Variants in SLX9 observed in about 807,000 individuals in gnomAD.
SLX9 encodes the protein ribosome biogenesis protein SLX9 homolog.
Under a neutral mutation model 20.8 loss-of-function variants are expected in SLX9, and 19 were observed. The ratio of observed to expected loss-of-function variants is 0.91; its 90% confidence interval spans 0.64 to 1.34. The LOEUF (loss-of-function observed/expected upper bound fraction) is 1.34. SLX9 is among the 40% of genes most tolerant of loss of function. The pLI, the probability that SLX9 is intolerant of heterozygous loss-of-function variation, is 0.00. For missense variants in SLX9, 299 were observed against 322.2 expected (o/e 0.93, Z 0.55); for synonymous variants, 113 against 137.1 (o/e 0.82, Z 1.23).
At position 44,951,681 on chromosome 21, in the gene SLX9, G is replaced by A. The variant is rs1221294102; in HGVS notation, c.283+7844G>A. 2.6e-5 allele frequency among the ~76,000 whole-genome samples: 4 copies of A among 152,250 alleles called. No homozygotes were observed. In the South Asian group the frequency reaches 6.2e-4, roughly 24 times the overall value. Reference sequence around the variant, plus strand: ...GCCCTGCCCCCGGAGCCGCCCGAGCGCGCTGTGTGGGCACCATCTCTCACT... The same window carrying A: ...GCCCTGCCCCCGGAGCCGCCCGAGCACGCTGTGTGGGCACCATCTCTCACT... On this transcript the variant is annotated intron_variant, in intron 2 of 5. Transcript: ENST00000291634.
intron 4 of SLX9, among the ~76,000 whole-genome samples, chr21:44,972,149 G>GCGTCTCTGCCTTCCCGC (rs1299810930): frequency 2.0e-4 from 30 of 152,302 alleles, no homozygotes; most frequent in Non-Finnish European, 3.7e-4. Flanking sequence ...TGAGGACTCT[G>GCGTCTCTGCCTTCCCGC]CGTCTCTGCC....
chr21:44,947,217 C>G (rs2084659576), intron 2 of SLX9, among the ~76,000 whole-genome samples: 1 of 152,332 alleles, frequency 6.6e-6, no homozygotes, highest in East Asian at 1.9e-4. Flanking sequence ...CATGCAGATA[C>G]TGCATCCTGT....
At chr21:44,968,471 C>T (rs1049337703) in intron 4 of SLX9, among the ~76,000 whole-genome samples, 3 of 152,258 alleles carry the variant, frequency 2.0e-5, no homozygotes, top group Admixed American at 6.5e-5. Context: ...CCTGTCACCT[C>T]GCAGGGGATG....
In SLX9 at chr21:44,963,394, TAAAC is replaced by T. The variant is rs548090704; in HGVS notation, c.352+3227_352+3230del. Among the ~76,000 whole-genome samples, 201 of 148,250 alleles carry T rather than the reference TAAAC, an allele frequency of 1.4e-3. 1 individual carries two copies. The highest frequency in any genetic ancestry group is 3.5e-3 in the Middle Eastern group (1 of 288). The stretch of plus-strand genomic sequence containing the variant: ...TGAGAACTTTTTTTTTTTTTTTAAA[TAAAC>T]GAGAGTTTAATTTTGAGAAGTTTAA... On this transcript the variant is annotated intron_variant, in intron 3 of 5. Coordinates refer to ENST00000291634, the MANE Select transcript of SLX9 (RefSeq NM_058190.4).
At chr21:44,975,561 G>T (rs1316435788) in intron 5 of SLX9, among the ~76,000 whole-genome samples, 2 of 152,252 alleles carry the variant, frequency 1.3e-5, no homozygotes, top group Admixed American at 1.3e-4. Flanking sequence ...TCTGACCCAG[G>T]ACTCTGCCCA....
intron 3 of SLX9, among the ~76,000 whole-genome samples, chr21:44,963,368 G>GT (rs1206937598): frequency 8.1e-6 from 1 of 123,728 alleles, no homozygotes; most frequent in Non-Finnish European, 1.7e-5. Context: ...GATTACAGGC[G>GT]TGAGAACTTT....
chr21:44,951,869 C>T (rs548037549), intron 2 of SLX9, among the ~76,000 whole-genome samples: 9 of 148,496 alleles, frequency 6.1e-5, no homozygotes, highest in South Asian at 2.1e-4. Flanking sequence ...AGGGTTCGCC[C>T]GTCGTGTGTG....
intron 2 of SLX9, among the ~76,000 whole-genome samples, chr21:44,956,583 A>G (rs2084861823): frequency 6.6e-6 from 1 of 152,228 alleles, no homozygotes; most frequent in Non-Finnish European, 1.5e-5. Flanking sequence ...CGAGCCCGAG[A>G]TGAAGCAGCA....
At chr21:44,956,886 G>A (rs372935268) in intron 2 of SLX9, among the ~76,000 whole-genome samples, 20 of 152,326 alleles carry the variant, frequency 1.3e-4, no homozygotes, top group Admixed American at 5.9e-4. Flanking sequence ...CTGGTTTACC[G>A]CGTCTGTTCC....
chr21:44,964,354 C>T (rs1191219291), intron 3 of SLX9, among the ~76,000 whole-genome samples: 2 of 151,976 alleles, frequency 1.3e-5, no homozygotes, highest in Non-Finnish European at 2.9e-5. Flanking sequence ...TTTTTTTCCC[C>T]AATATGTGTT....
chr21:44,972,940 G>T (rs1435654838), intron 4 of SLX9: 3 of 37,976 alleles, frequency 7.9e-5, no homozygotes, highest in Non-Finnish European at 1.4e-4. Context: ...GAGCAGCTTG[G>T]GGCCCGCGGT....
At chr21:44,953,862 C>T (rs2084806479) in intron 2 of SLX9, among the ~76,000 whole-genome samples, 2 of 152,338 alleles carry the variant, frequency 1.3e-5, no homozygotes, top group South Asian at 4.1e-4. Flanking sequence ...ACCTCGGCCG[C>T]ACCCCAAGGC....
At chr21:44,965,624 G>A (rs2085019992) in intron 3 of SLX9, among the ~76,000 whole-genome samples, 1 of 152,210 alleles carries the variant, frequency 6.6e-6, no homozygotes, top group South Asian at 2.1e-4. Flanking sequence ...CCTCTTGAGT[G>A]GCCACTGTGG....
intron 2 of SLX9, among the ~76,000 whole-genome samples, chr21:44,949,708 C>T (rs967794455): frequency 2.6e-5 from 4 of 152,126 alleles, no homozygotes; most frequent in Non-Finnish European, 5.9e-5. Flanking sequence ...CGTCTGCAGG[C>T]GTGTTGGACT....
intron 4 of SLX9, among the ~76,000 whole-genome samples, chr21:44,967,835 CGG>C (rs757730691): frequency 6.6e-6 from 1 of 152,168 alleles, no homozygotes; most frequent in East Asian, 1.9e-4. Flanking sequence ...CCAGGAGGGA[CGG>C]GGCCTGATGT....
In SLX9 at chr21:44,941,036, A is replaced by AT. The variant is rs937991586; in HGVS notation, c.129+858dup. Among the ~76,000 whole-genome samples the AT allele has an allele frequency of 1.1e-4, 16 of 143,380 alleles. No individual in the cohort carries two copies. In the East Asian group the frequency reaches 1.6e-3, roughly 14 times the overall value. 94.1% of individuals were successfully genotyped at this position (143,380 alleles called of 152,430 possible). A position where few individuals can be genotyped will look rare whatever the true frequency, so the allele number is the denominator to read the frequency against. ...TTTGAACCTTTCCAGTGAAATTTTC[A>AT]TTTTTTTTGACTCCAGAATTTATTT... On this transcript the variant is annotated intron_variant, in intron 1 of 5. Transcript: ENST00000291634.
chr21:44,976,054 C>G, intron 5 of SLX9, among the ~76,000 whole-genome samples: 1 of 152,264 alleles, frequency 6.6e-6, no homozygotes, highest in Non-Finnish European at 1.5e-5. Flanking sequence ...CGTCTGGGAG[C>G]TGCCCCCGAG....
chr21:44,976,691 G>A lies in SLX9; in HGVS notation c.581G>A (p.Arg194Lys), dbSNP rs1445429672. ...CTCCATTCTTTCAGCGAGGAAGAAA[G>A]GACCCGGTTTCAGGAGCTGCTGGCC... ...AQRQQLLEEE[R>K]TRFQELLASP... The change falls in exon 6 of 6, where the codon AGG becomes AAG. Residue 194 changes from arginine to lysine, a missense_variant. Physicochemically the swap from Arg to Lys is conservative, Grantham distance 26. Coordinates refer to ENST00000291634, the MANE Select transcript of SLX9 (RefSeq NM_058190.4). 2 of 1,581,428 alleles carry A rather than the reference G, an allele frequency of 1.3e-6. No individual in the cohort carries two copies. Among genetic ancestry groups the A allele is most frequent in the South Asian group, 1.1e-5 (1 of 87,008 alleles).
At chr21:44,955,488 C>G (rs988754733) in intron 2 of SLX9, among the ~76,000 whole-genome samples, 2 of 152,204 alleles carry the variant, frequency 1.3e-5, no homozygotes, top group Admixed American at 1.3e-4. Flanking sequence ...AAGTGACAGC[C>G]TCCCCACTGC....
Sources: allele counts gnomAD v4.1 joint callset (sites outside exome capture counted in the v4.1 genomes callset), GRCh38; gene constraint gnomAD v4.1.1; transcripts MANE v1.5; gene names NCBI Gene and HGNC (gene_info 2026-07-23, HGNC 2026-07-21).